Variants in GGA2 observed in about 807,000 individuals in gnomAD.
GGA2 encodes the protein golgi associated, gamma adaptin ear containing, ARF binding protein 2.
GGA2 carries 48 observed loss-of-function variants against 79.5 expected under a neutral mutation model. The observed-to-expected ratio is 0.60, with a 90% CI of 0.48 to 0.77. GGA2 has a LOEUF of 0.77. GGA2 is among the 30% of genes least tolerant of loss of function. GGA2 has a pLI of 0.00. For synonymous variants in GGA2, 317 were observed against 302.0 expected, an observed-to-expected ratio of 1.05 and a Z score of -0.51; for missense variants, 770 against 774.0, an observed-to-expected ratio of 0.99 and a Z score of 0.06.
intron 9 of GGA2, 35 bp from the exon 10 acceptor site, chr16:23,480,805 T>G: frequency 6.3e-7 from 1 of 1,590,072 alleles, no homozygotes; most frequent in Non-Finnish European, 8.6e-7. Context: ...ACCCCCTGGT[T>G]TGGCAACCAA....
chr16:23,520,710 A>G (rs1007708993), intron 1 of GGA2, among the ~76,000 whole-genome samples: 3 of 151,360 alleles, frequency 2.0e-5, no homozygotes, highest in Admixed American at 6.6e-5. Flanking sequence ...CAAACAGAAG[A>G]CAGACGTCTG....
intron 8 of GGA2, among the ~76,000 whole-genome samples, chr16:23,483,797 G>A (rs921427084): frequency 6.6e-6 from 1 of 151,684 alleles, no homozygotes; most frequent in Non-Finnish European, 1.5e-5. Flanking sequence ...ACAGGCATGC[G>A]CCACCACGCC....
At position 23,517,519 on chromosome 16, in the gene GGA2, G is replaced by A. The variant is rs1206452748; in HGVS notation, c.61+2068C>T. ...GCTGGGATTACAGGCGTGAGCCACC[G>A]CGCCCGGCCCCAGCTAATTTTTTTC... On this transcript the variant is annotated intron_variant, in intron 2 of 5. Coordinates refer to the GGA2 transcript ENST00000569300. Among the ~76,000 whole-genome samples the A allele has an allele frequency of 1.4e-5, 2 of 148,140 alleles. 1 individual carries two copies. Among genetic ancestry groups the A allele is most frequent in the East Asian group, 4.0e-4 (2 of 4,994 alleles).
At chr16:23,513,103 TAG>T (rs1965083329), upstream of GGA2, among the ~76,000 whole-genome samples, 1 of 152,314 alleles carries the variant, frequency 6.6e-6, no homozygotes, top group East Asian at 1.9e-4. Context: ...TGGACGTGAC[TAG>T]AGTCTCCACA....
At chr16:23,514,381 T>C (rs1398396298), upstream of GGA2, among the ~76,000 whole-genome samples, 1 of 152,124 alleles carries the variant, frequency 6.6e-6, no homozygotes, top group Non-Finnish European at 1.5e-5. Context: ...ATGCTGGGAT[T>C]ACAAGAGTAA....
chr16:23,467,667 T>G lies in GGA2; in HGVS notation c.1765A>C (p.Asn589His). 6.2e-7 allele frequency: 1 copy of G among 1,606,050 alleles called. No individual in the cohort carries two copies. Among genetic ancestry groups the G allele is most frequent in the African/African-American group, 1.3e-5 (1 of 74,902 alleles). The change falls in exon 17 of 17, where the codon AAC (asparagine) becomes CAC (histidine). Residue 589 changes from asparagine (N) to histidine (H), a missense_variant. By Grantham distance (68) the Asn-to-His change is moderately conservative. Coordinates refer to ENST00000309859, the MANE Select transcript of GGA2 (RefSeq NM_015044.4). Reference protein sequence around the residue: ...PIRLRYKLTFNQGGQPFSEVG... With the variant: ...PIRLRYKLTFHQGGQPFSEVG... Reference sequence around the variant, plus strand: ...TCGCTGAAAGGCTGTCCACCTTGGTTGAATGTCAGCTTGTACCGTAAGCGG... The same window carrying G: ...TCGCTGAAAGGCTGTCCACCTTGGTGGAATGTCAGCTTGTACCGTAAGCGG...
At chr16:23,469,064 A>T in intron 15 of GGA2, 68 bp from the exon 16 acceptor site, 2 of 1,012,160 alleles carry the variant, frequency 2.0e-6, no homozygotes, top group Non-Finnish European at 3.1e-6. Context: ...AGATCAGGTG[A>T]GGGGGAGCTG....
chr16:23,479,431 C>T (rs1422742318), intron 11 of GGA2, among the ~76,000 whole-genome samples: 4 of 149,418 alleles, frequency 2.7e-5, no homozygotes, highest in African/African-American at 9.9e-5. Flanking sequence ...CTCTCCTACT[C>T]ACAACCACCC....
At chr16:23,478,061 T>C (rs1050194889) in intron 13 of GGA2, among the ~76,000 whole-genome samples, 4 of 151,000 alleles carry the variant, frequency 2.6e-5, no homozygotes, top group African/African-American at 9.8e-5. Context: ...TAGCTGGGCA[T>C]GGTGGCGCGT....
chr16:23,469,310 T>C (rs557423138), intron 15 of GGA2: 12 of 277,482 alleles, frequency 4.3e-5, no homozygotes, highest in Non-Finnish European at 7.9e-5. Context: ...ACTAGCTCTG[T>C]GACCTTGAGT....
intron 1 of GGA2, among the ~76,000 whole-genome samples, chr16:23,506,657 C>A (rs1227619928): frequency 6.6e-6 from 1 of 152,172 alleles, no homozygotes; most frequent in Non-Finnish European, 1.5e-5. Flanking sequence ...CAAGATGTCA[C>A]TCGTGCAAAG....
upstream of GGA2, among the ~76,000 whole-genome samples, chr16:23,511,668 C>T (rs531170062): frequency 6.6e-6 from 1 of 152,108 alleles, no homozygotes; most frequent in Non-Finnish European, 1.5e-5. Flanking sequence ...TCACACAGTA[C>T]ACCATCGATG....
chr16:23,479,889 T>G lies in GGA2; in HGVS notation c.1007-2A>C. ...TGCAGCCTGCTGGATTCTGAAAGAC[T>G]AGAAAGCCCAGGGTTAGGAAGAGAA... On this transcript the variant is annotated splice_acceptor_variant, in intron 10 of 16. Transcript: ENST00000309859. LOFTEE classifies it high-confidence loss of function. The G allele has an allele frequency of 1.2e-6, 2 of 1,613,938 alleles. No homozygotes were observed. Among genetic ancestry groups the G allele is most frequent in the Non-Finnish European group, 8.5e-7 (1 of 1,179,890 alleles).
Position 23,465,227 on chromosome 16 carries a change from C to T in GGA2, c.*2363G>A, listed in dbSNP as rs1964420362. The T allele has an allele frequency of 1.5e-6, 1 of 650,226 alleles. No individual in the cohort carries two copies. The highest frequency in any genetic ancestry group is 2.7e-5 in the East Asian group (1 of 36,772). The allele number at this position is 650,226 out of a possible 1,614,324, so 40.3% of individuals were successfully genotyped here. On this transcript the variant is annotated 3_prime_UTR_variant, in exon 17 of 17. Transcript: ENST00000309859. The stretch of plus-strand genomic sequence containing the variant: ...ACTTGAAATCCTGGGCTCAAGCGGT[C>T]ATCCCACTCAGCCTCCCAAAATGCT...
At chr16:23,491,548 ACTCT>A in intron 5 of GGA2, 125 bp downstream of exon 5, 3 of 522,612 alleles carry the variant, frequency 5.7e-6, no homozygotes, top group East Asian at 3.4e-5. Context: ...AAAAAAAAAA[ACTCT>A]ACCTCAGTGT....
chr16:23,482,310 A>G (rs1314856467), intron 9 of GGA2, among the ~76,000 whole-genome samples: 2 of 152,214 alleles, frequency 1.3e-5, no homozygotes, highest in African/African-American at 4.8e-5. Context: ...GCTTCAAAAC[A>G]GACTAGGGAA....
chr16:23,465,678 C>T lies in GGA2; in HGVS notation c.*1912G>A, dbSNP rs541267458. 7 of 398,684 alleles carry T rather than the reference C, an allele frequency of 1.8e-5. No individual in the cohort carries two copies. The highest frequency in any genetic ancestry group is 4.5e-5 in the East Asian group (1 of 22,016). 24.7% of individuals were successfully genotyped at this position (398,684 alleles called of 1,614,324 possible). ...CACAGAGGCCGGGTGCGGTGGCTCA[C>T]GCCTGTAATCCCAGCACTCTGGGAG... is the stretch of plus-strand genomic sequence containing the variant. On this transcript the variant is annotated 3_prime_UTR_variant, in exon 17 of 17. Transcript: ENST00000309859.
chr16:23,521,452 T>C (rs943631042), intron 1 of GGA2, among the ~76,000 whole-genome samples: 15 of 152,158 alleles, frequency 9.9e-5, no homozygotes, highest in Admixed American at 3.9e-4. Context: ...CAGGTTAGAG[T>C]GCAGTAGTGC....
chr16:23,494,738 G>A (rs537778859), intron 2 of GGA2, among the ~76,000 whole-genome samples: 1 of 152,310 alleles, frequency 6.6e-6, no homozygotes, highest in Non-Finnish European at 1.5e-5. Context: ...CAGAAAGTGC[G>A]ATCAAACTCT....
Sources: gnomAD v4.1 joint callset for allele counts (sites outside exome capture counted in the v4.1 genomes callset) on GRCh38, gnomAD v4.1.1 for gene constraint, MANE v1.5 for transcripts, NCBI Gene and HGNC (gene_info 2026-07-23, HGNC 2026-07-21) for gene names.